Variants in IPCEF1 observed in about 807,000 individuals in gnomAD.
IPCEF1 encodes the protein interactor protein for cytohesin exchange factors 1.
In IPCEF1, 31 loss-of-function variants were observed where a neutral mutation model predicts 50.9. The observed-to-expected ratio is 0.61, with a 90% CI of 0.46 to 0.82. IPCEF1 has a LOEUF of 0.82. Among genes scored for constraint, IPCEF1 ranks in the 40% least tolerant of loss-of-function variants. The probability of loss-of-function intolerance (pLI) is 0.00; values close to 1 mark genes in which losing one functional copy is unlikely to be tolerated. For missense variants in IPCEF1, 458 were observed against 514.0 expected (o/e 0.89, Z 1.05); for synonymous variants, 181 against 192.0 (o/e 0.94, Z 0.47).
intron 9 of IPCEF1, among the ~76,000 whole-genome samples, chr6:154,204,722 C>G (rs537616299): frequency 5.3e-4 from 81 of 152,302 alleles, no homozygotes; most frequent in Non-Finnish European, 1.0e-3. Context: ...TCAGTGCCCC[C>G]CATCCCACCC....
At chr6:154,322,017 C>A (rs1403630172) in intron 1 of IPCEF1, among the ~76,000 whole-genome samples, 3 of 151,966 alleles carry the variant, frequency 2.0e-5, no homozygotes, top group African/African-American at 7.3e-5. Context: ...AAGACAATGA[C>A]TGTGTGGTTA....
At chr6:154,203,627 T>C (rs986937419) in intron 9 of IPCEF1, among the ~76,000 whole-genome samples, 4 of 152,058 alleles carry the variant, frequency 2.6e-5, no homozygotes, top group African/African-American at 4.8e-5. Flanking sequence ...CAGACTTTGG[T>C]CTCCATGGGG....
chr6:154,336,589 G>A (rs1783792155), intron 1 of IPCEF1, among the ~76,000 whole-genome samples: 1 of 152,054 alleles, frequency 6.6e-6, no homozygotes, highest in Non-Finnish European at 1.5e-5. Flanking sequence ...AGTTAGATAG[G>A]AGGAAAAGTT....
chr6:154,192,347 T>TGTGTGTGC, intron 10 of IPCEF1, among the ~76,000 whole-genome samples: 1 of 151,178 alleles, frequency 6.6e-6, no homozygotes, highest in African/African-American at 2.5e-5. Flanking sequence ...TGTGTGTGTG[T>TGTGTGTGC]GTGTGTATGC....
chr6:154,292,002 T>C (rs1350648088), intron 1 of IPCEF1, among the ~76,000 whole-genome samples: 1 of 152,124 alleles, frequency 6.6e-6, no homozygotes, highest in Non-Finnish European at 1.5e-5. Flanking sequence ...AAATTTTAAA[T>C]TGACAAAATG....
rs186456812 is a variant in IPCEF1, at chr6:154,171,880, G to A, written c.911-3767C>T. Among the ~76,000 whole-genome samples, 55 of 152,198 alleles carry A rather than the reference G, an allele frequency of 3.6e-4. No homozygotes were observed. In the East Asian group the frequency reaches 7.9e-3, roughly 22 times the overall value. On this transcript the variant is annotated intron_variant, in intron 10 of 11. Transcript: ENST00000367220. ...CTTTTTAAAAAAATACAGCTAACAA[G>A]GTAGAATTCTACTTAGATTAAGGCA...
At chr6:154,284,481 G>A (rs1226766879) in intron 2 of IPCEF1, among the ~76,000 whole-genome samples, 1 of 152,172 alleles carries the variant, frequency 6.6e-6, no homozygotes, top group Non-Finnish European at 1.5e-5. Flanking sequence ...GAGTTGTTCT[G>A]ACCAATGGGG....
At position 154,168,027 on chromosome 6, in the gene IPCEF1, G is replaced by A. The variant is rs371328760; in HGVS notation, c.997C>T (p.Arg333Ter). ...QASLSPLGDRRPSTKKELRKS... is the reference protein window; with the variant it reads ...QASLSPLGDR ...CTCAACTCCTTTTTAGTCGAAGGTC[G>A]TCGGTCCCCAAGAGGAGATAGACTA... The change falls in exon 11 of 12, where the codon CGA (arginine) becomes TGA (stop). Residue 333 changes from arginine to a stop codon, truncating the protein, a stop_gained. Coordinates refer to ENST00000367220, the MANE Select transcript of IPCEF1 (RefSeq NM_001130700.2). LOFTEE classifies it high-confidence loss of function. The surrounding 1 kb of genome is among the most constrained non-coding windows in gnomAD (Gnocchi z 4.1). The A allele has an allele frequency of 9.9e-6, 16 of 1,610,686 alleles. No homozygotes were observed. The highest frequency in any genetic ancestry group is 1.2e-5 in the Non-Finnish European group (14 of 1,177,662).
Position 154,159,878 on chromosome 6 carries a change from G to C in IPCEF1, c.1267C>G (p.Gln423Glu). Residue 423 changes from glutamine (Q) to glutamate (E), a missense_variant, in exon 12 of 12, where the codon CAG becomes GAG. By Grantham distance (29) the Gln-to-Glu change is conservative (BLOSUM62 2). Coordinates refer to ENST00000367220, the MANE Select transcript of IPCEF1 (RefSeq NM_001130700.2). ...PAPDDTDDTP[Q>E]ELKKSPSSPS... is the part of the protein sequence containing the mutation. ...GAAGAAGGTGATTTCTTGAGTTCCT[G>C]GGGGGTGTCATCAGTGTCATCAGGG... 6.2e-7 allele frequency: 1 copy of C among 1,612,346 alleles called. No individual in the cohort carries two copies. Among genetic ancestry groups the C allele is most frequent in the South Asian group, 1.1e-5 (1 of 90,708 alleles).
chr6:154,259,500 A>G (rs1009287932), intron 3 of IPCEF1, among the ~76,000 whole-genome samples: 1 of 152,112 alleles, frequency 6.6e-6, no homozygotes, highest in African/African-American at 2.4e-5. Context: ...TAAAAATACA[A>G]AATTAGCCGG....
At chr6:154,202,379 T>C (rs1422511187) in intron 9 of IPCEF1, among the ~76,000 whole-genome samples, 1 of 152,182 alleles carries the variant, frequency 6.6e-6, no homozygotes, top group East Asian at 1.9e-4. Flanking sequence ...GAGGAGGGAA[T>C]GCACTACCCC....
chr6:154,353,533 C>T (rs377385625), intron 1 of IPCEF1, among the ~76,000 whole-genome samples: 15 of 152,294 alleles, frequency 9.8e-5, no homozygotes, highest in East Asian at 7.7e-4. Flanking sequence ...GTGATCCGCC[C>T]GCCTTGGCCT....
chr6:154,166,229 G>A (rs536767257), intron 11 of IPCEF1, among the ~76,000 whole-genome samples: 7 of 152,328 alleles, frequency 4.6e-5, no homozygotes, highest in South Asian at 2.1e-4. Flanking sequence ...CACCAATGAC[G>A]AGGTCACAGA....
intron 10 of IPCEF1, among the ~76,000 whole-genome samples, chr6:154,170,361 T>A (rs1799775699): frequency 6.6e-6 from 1 of 152,204 alleles, no homozygotes; most frequent in African/African-American, 2.4e-5. Context: ...GAGAAAAGCA[T>A]ATAATGGTGA....
chr6:154,348,384 T>A (rs562704467), intron 1 of IPCEF1, among the ~76,000 whole-genome samples: 3 of 152,170 alleles, frequency 2.0e-5, no homozygotes, highest in African/African-American at 4.8e-5. Flanking sequence ...GAGTTCAAGT[T>A]CAGGCACTTC....
chr6:154,302,650 T>A (rs9397186), intron 1 of IPCEF1, among the ~76,000 whole-genome samples: 33,777 of 151,908 alleles, frequency 0.22, 4,193 homozygotes, highest in East Asian at 0.36. Context: ...AATGTTTATA[T>A]TTTTTGTGGA....
At chr6:154,220,557 A>G (rs1236840527) in intron 7 of IPCEF1, among the ~76,000 whole-genome samples, 4 of 152,176 alleles carry the variant, frequency 2.6e-5, no homozygotes, top group East Asian at 1.9e-4. Context: ...CAGGAGAATC[A>G]TTCGAACTCA....
chr6:154,197,908 G>C lies in IPCEF1; in HGVS notation c.910+1760C>G, dbSNP rs376348598. Among the ~76,000 whole-genome samples the C allele has an allele frequency of 3.3e-5, 5 of 152,284 alleles. No homozygotes were observed. In the East Asian group the frequency reaches 7.7e-4, roughly 23 times the overall value. ...AAGCGTTTGTAGGAGAAAAATAATA[G>C]ATGTAGTACTTTTTATTATTTTCTT... On this transcript the variant is annotated intron_variant, in intron 10 of 11. Transcript: ENST00000367220.
chr6:154,160,375 C>T (rs1456554651), intron 11 of IPCEF1, among the ~76,000 whole-genome samples: 2 of 152,132 alleles, frequency 1.3e-5, no homozygotes, highest in Non-Finnish European at 2.9e-5. Context: ...TAAAACTTAC[C>T]ATTGTAGGTA....
Sources: gnomAD v4.1 joint callset for allele counts (sites outside exome capture counted in the v4.1 genomes callset) on GRCh38, gnomAD v4.1.1 for gene constraint, Gnocchi (gnomAD v3.1) non-coding constraint, MANE v1.5 for transcripts, NCBI Gene and HGNC (gene_info 2026-07-23, HGNC 2026-07-21) for gene names.